DNAH17: variants seen among roughly 807,000 people sequenced by gnomAD.
The protein encoded by DNAH17 is dynein axonemal heavy chain 17.
DNAH17 carries 376 observed loss-of-function variants against 485.6 expected under a neutral mutation model. The observed-to-expected ratio is 0.77, with a 90% confidence interval of 0.71 to 0.84. The LOEUF is 0.84. DNAH17 is among the 40% of genes least tolerant of loss of function. DNAH17 has a pLI of 0.00. For synonymous variants in DNAH17, 3,031 were observed against 2,405.9 expected, an observed-to-expected ratio of 1.26 and a Z score of -7.60; for missense variants, 6,370 against 5,839.3, an observed-to-expected ratio of 1.09 and a Z score of -2.96.
At position 78,459,775 on chromosome 17, in the gene DNAH17, C is replaced by A; in HGVS notation, c.9653+9G>T. 1 of 1,613,868 alleles carries A rather than the reference C, an allele frequency of 6.2e-7. No individual in the cohort carries two copies. The highest frequency in any genetic ancestry group is 8.5e-7 in the Non-Finnish European group (1 of 1,179,794). On this transcript the variant is annotated intron_variant, in intron 60 of 80. Transcript: ENST00000389840. Reference sequence around the variant, plus strand: ...GAAGCCCCGGCTACGAGGCCCAGCCCCGACTCACTTGAAGGCCTTCAGGCA... The same window carrying A: ...GAAGCCCCGGCTACGAGGCCCAGCCACGACTCACTTGAAGGCCTTCAGGCA...
At position 78,552,759 on chromosome 17, in the gene DNAH17, T is replaced by C; in HGVS notation, c.2225A>G (p.Glu742Gly). The C allele has an allele frequency of 6.2e-7, 1 of 1,613,822 alleles. No homozygotes were observed. Among genetic ancestry groups the C allele is most frequent in the South Asian group, 1.1e-5 (1 of 91,088 alleles). The change falls in exon 15 of 81, where the codon GAA (glutamate) becomes GGA (glycine). Residue 742 changes from glutamate to glycine, a missense_variant. Coordinates refer to ENST00000389840, the MANE Select transcript of DNAH17 (RefSeq NM_173628.4). ...TAACTTGACATCAATTGCTTCCAGT[T>C]CTGACTTTATTAGTAGAAATTCTAC... ...KAVEFLLIKS[E>G]LEAIDVKLLS...
intron 18 of DNAH17, among the ~76,000 whole-genome samples, chr17:78,539,466 G>A (rs770442523): frequency 5.3e-5 from 8 of 152,086 alleles, no homozygotes; most frequent in Non-Finnish European, 1.0e-4. Flanking sequence ...CAGTGAGGCA[G>A]GACCAGCCTC....
intron 44 of DNAH17, among the ~76,000 whole-genome samples, chr17:78,488,657 G>A (rs2089717220): frequency 6.6e-6 from 1 of 152,166 alleles, no homozygotes; most frequent in Non-Finnish European, 1.5e-5. Flanking sequence ...ACAAAAGAAT[G>A]TCCACCCAGA....
chr17:78,545,028 C>T (rs1289156172), intron 16 of DNAH17, among the ~76,000 whole-genome samples: 1 of 152,086 alleles, frequency 6.6e-6, no homozygotes, highest in African/African-American at 2.4e-5. Context: ...GGAACCTCAC[C>T]TTTCCTCCTC....
At chr17:78,476,757 G>A in intron 51 of DNAH17, 24 bp from the exon 52 acceptor site, 1 of 1,606,270 alleles carries the variant, frequency 6.2e-7, no homozygotes, top group Non-Finnish European at 8.5e-7. Context: ...AGGATGATCA[G>A]CACCGTCAGC....
chr17:78,526,831 C>T (rs1370118903), intron 23 of DNAH17, 49 bp downstream of exon 23: 2 of 1,556,918 alleles, frequency 1.3e-6, no homozygotes, highest in Non-Finnish European at 8.7e-7. Context: ...CCTGGGTGAG[C>T]CCCACGCTGC....
chr17:78,553,452 C>T (rs552873236), intron 14 of DNAH17, among the ~76,000 whole-genome samples: 1 of 152,108 alleles, frequency 6.6e-6, no homozygotes, highest in Non-Finnish European at 1.5e-5. Context: ...TAGGCATGCG[C>T]CACCATGCCC....
At chr17:78,545,329 TAGTC>T (rs766375560) in intron 16 of DNAH17, among the ~76,000 whole-genome samples, 15 of 152,216 alleles carry the variant, frequency 9.9e-5, no homozygotes, top group East Asian at 1.9e-4. Context: ...GTATATGTCT[TAGTC>T]AGCTTAGATT....
intron 42 of DNAH17, 44 bp from the exon 43 acceptor site, chr17:78,491,614 C>G (rs778724775): frequency 6.3e-7 from 1 of 1,596,738 alleles, no homozygotes; most frequent in Non-Finnish European, 8.5e-7. Flanking sequence ...TCACTCCGGC[C>G]CCATTCCAGT....
chr17:78,496,689 T>C (rs1159724483), intron 37 of DNAH17: 1 of 111,062 alleles, frequency 9.0e-6, no homozygotes, highest in Non-Finnish European at 1.7e-5. Context: ...TTTTTTTTTT[T>C]AAGACTGAGT....
chr17:78,565,082 C>T (rs1046425974), intron 11 of DNAH17, among the ~76,000 whole-genome samples: 1 of 152,286 alleles, frequency 6.6e-6, no homozygotes. Flanking sequence ...TCCCCCAACC[C>T]CTGATGTCCC....
intron 76 of DNAH17, 140 bp from the exon 77 acceptor site, chr17:78,428,847 T>A: frequency 1.8e-6 from 2 of 1,083,912 alleles, no homozygotes; most frequent in Non-Finnish European, 2.7e-6. Flanking sequence ...CAGCCCCCTT[T>A]GTGGGCTGCC....
rs1411496053 is a variant in DNAH17, at chr17:78,468,637, T to C, written c.8758A>G (p.Lys2920Glu). ...RETCWKFFIE[K>E]VRRQLKVILC... ...CCCACCTTGAGCTGTCTGCGCACTT[T>C]TTCGATGAAGAACTTCCAACATGTT... is the stretch of plus-strand genomic sequence containing the variant. Residue 2920 changes from lysine (K) to glutamate (E), a missense_variant, in exon 55 of 81, where the codon AAA (lysine) becomes GAA (glutamate). Physicochemically the swap from Lys to Glu is moderately conservative, Grantham distance 56. Coordinates refer to ENST00000389840, the MANE Select transcript of DNAH17 (RefSeq NM_173628.4). 1.9e-6 allele frequency: 3 copies of C among 1,613,502 alleles called. No individual in the cohort carries two copies. The African/African-American group carries it at 4.0e-5, about 22-fold the overall frequency.
intron 74 of DNAH17, 117 bp from the exon 75 acceptor site, chr17:78,434,337 G>C (rs978387353): frequency 1.6e-5 from 15 of 938,590 alleles, no homozygotes; most frequent in Non-Finnish European, 2.2e-5. Flanking sequence ...TGGGGGCGGT[G>C]GGGGGTACAA....
intron 25 of DNAH17, among the ~76,000 whole-genome samples, chr17:78,520,676 A>T (rs1480185225): frequency 6.6e-6 from 1 of 152,218 alleles, no homozygotes; most frequent in South Asian, 2.1e-4. Flanking sequence ...GTAACAAAAC[A>T]TGTATAGGAT....
At chr17:78,545,055 T>C (rs1318878064) in intron 16 of DNAH17, among the ~76,000 whole-genome samples, 1 of 149,736 alleles carries the variant, frequency 6.7e-6, no homozygotes, top group Non-Finnish European at 1.5e-5. Context: ...GCTGCCTCTG[T>C]CACTCTTATC....
intron 18 of DNAH17, among the ~76,000 whole-genome samples, chr17:78,538,502 C>G (rs189213138): frequency 6.6e-6 from 1 of 152,188 alleles, no homozygotes; most frequent in Non-Finnish European, 1.5e-5. Flanking sequence ...TTTGAGCCCC[C>G]CAATTTGTCT....
At chr17:78,430,812 C>A (rs1223871411) in intron 75 of DNAH17, among the ~76,000 whole-genome samples, 4 of 149,758 alleles carry the variant, frequency 2.7e-5, no homozygotes, top group African/African-American at 9.9e-5. Flanking sequence ...GAACTCCTGA[C>A]CTCAGGGGAT....
rs76484097 is a variant in DNAH17 at position 78,536,071 on chromosome 17, G to C, written c.2859+1228C>G. On this transcript the variant is annotated intron_variant, in intron 19 of 80. Transcript: ENST00000389840. ...CCGTGTGTCTTGTTTGATGCGTTTA[G>C]ACGAGATGATTTCAGAAGGCAGTGG... Among the ~76,000 whole-genome samples the C allele has an allele frequency of 8.8e-4, 134 of 152,214 alleles. 2 individuals carry two copies. The highest frequency in any genetic ancestry group is 1.4e-3 in the East Asian group (7 of 5,182).
Sources: allele counts gnomAD v4.1 joint callset (sites outside exome capture counted in the v4.1 genomes callset), GRCh38; gene constraint gnomAD v4.1.1; transcripts MANE v1.5; gene names NCBI Gene and HGNC (gene_info 2026-07-23, HGNC 2026-07-21).